SLC4A10: variants seen among roughly 807,000 people sequenced by gnomAD.
SLC4A10 encodes solute carrier family 4 member 10, also known as sodium-driven chloride bicarbonate exchanger.
Under a neutral mutation model 137.7 loss-of-function variants are expected in SLC4A10, and 42 were observed. That is an observed-to-expected ratio of 0.30 (90% CI 0.24 to 0.39). SLC4A10 has a LOEUF of 0.39. Among genes scored for constraint, SLC4A10 ranks in the 10% least tolerant of loss-of-function variants. The pLI is 1.00. For synonymous variants in SLC4A10, 474 were observed against 464.1 expected (o/e 1.02, Z -0.27); for missense variants, 925 against 1,355.0 (o/e 0.68, Z 4.98).
intron 1 of SLC4A10, among the ~76,000 whole-genome samples, chr2:161,672,452 T>C (rs1431834608): frequency 6.6e-6 from 1 of 152,052 alleles, no homozygotes; most frequent in Non-Finnish European, 1.5e-5. Context: ...GGAGAATCAC[T>C]TGAGGCCAGG....
chr2:161,674,931 C>T (rs561442731), intron 1 of SLC4A10, among the ~76,000 whole-genome samples: 2 of 152,184 alleles, frequency 1.3e-5, no homozygotes, highest in Admixed American at 6.5e-5. Flanking sequence ...AAACCAAACA[C>T]CTTTAAGCAT....
intron 1 of SLC4A10, among the ~76,000 whole-genome samples, chr2:161,683,893 A>T (rs1387153311): frequency 6.6e-6 from 1 of 152,174 alleles, no homozygotes; most frequent in Non-Finnish European, 1.5e-5. Context: ...ACATTTGCTA[A>T]GATTTACCAT....
chr2:161,688,080 T>C (rs2041624802), intron 1 of SLC4A10, among the ~76,000 whole-genome samples: 1 of 152,188 alleles, frequency 6.6e-6, no homozygotes, highest in Non-Finnish European at 1.5e-5. Context: ...TAGAAATATG[T>C]TTTATTCAGT....
intron 2 of SLC4A10, among the ~76,000 whole-genome samples, chr2:161,782,604 C>T (rs193279719): frequency 1.3e-5 from 2 of 150,994 alleles, no homozygotes; most frequent in Admixed American, 6.6e-5. Context: ...GATAAGAGAA[C>T]GTTGCATGAA....
At chr2:161,892,589 T>C (rs1020596339) in intron 10 of SLC4A10, among the ~76,000 whole-genome samples, 2 of 152,094 alleles carry the variant, frequency 1.3e-5, no homozygotes, top group Non-Finnish European at 2.9e-5. Context: ...GCAGTTTGTA[T>C]TGAGTATCAA....
rs141777438 is a variant in SLC4A10 at position 161,798,827 on chromosome 2, C to A, written c.131-5622C>A. Among the ~76,000 whole-genome samples, 212 of 149,568 alleles carry A rather than the reference C, an allele frequency of 1.4e-3. 1 individual carries two copies. The highest frequency in any genetic ancestry group is 3.2e-3 in the Admixed American group (48 of 14,896). ...AATTCTGTATAGGCCTTCAGAAGGC[C>A]TATACAGGCTTTCTAACAGAGATTC... On this transcript the variant is annotated intron_variant, in intron 2 of 26. Coordinates refer to ENST00000446997, the MANE Select transcript of SLC4A10 (RefSeq NM_001178015.2).
intron 26 of SLC4A10, among the ~76,000 whole-genome samples, chr2:161,981,905 C>T (rs1184242334): frequency 2.0e-5 from 3 of 152,158 alleles, no homozygotes; most frequent in Non-Finnish European, 4.4e-5. Context: ...GCAGAAGCTC[C>T]GGCACTTCTT....
At chr2:161,853,070 T>A (rs988052919) in intron 4 of SLC4A10, among the ~76,000 whole-genome samples, 7 of 152,190 alleles carry the variant, frequency 4.6e-5, no homozygotes, top group Non-Finnish European at 1.0e-4. Flanking sequence ...TTCTCATATC[T>A]GACAAGAAAT....
chr2:161,844,608 G>A (rs1276863381), intron 4 of SLC4A10, among the ~76,000 whole-genome samples: 1 of 151,858 alleles, frequency 6.6e-6, no homozygotes, highest in Non-Finnish European at 1.5e-5. Context: ...TAGAATGAGA[G>A]GATTAAAAAT....
intron 10 of SLC4A10, among the ~76,000 whole-genome samples, chr2:161,891,728 A>G (rs886972586): frequency 6.6e-6 from 1 of 152,034 alleles, no homozygotes; most frequent in African/African-American, 2.4e-5. Context: ...GCTTCCTTGC[A>G]TTGGGTTAGA....
At chr2:161,754,519 G>A (rs1378286480) in intron 1 of SLC4A10, among the ~76,000 whole-genome samples, 1 of 152,148 alleles carries the variant, frequency 6.6e-6, no homozygotes, top group African/African-American at 2.4e-5. Flanking sequence ...CTTCAAGGCA[G>A]AAAAGGAATC....
At chr2:161,862,844 G>C (rs766116406) in intron 5 of SLC4A10, 30 bp from the exon 6 acceptor site, 1 of 1,520,732 alleles carries the variant, frequency 6.6e-7, no homozygotes, top group East Asian at 2.3e-5. Context: ...GGAAAGCTGT[G>C]CTTATCTTCT....
intron 2 of SLC4A10, among the ~76,000 whole-genome samples, chr2:161,801,513 G>A (rs939898301): frequency 3.3e-5 from 5 of 152,064 alleles, no homozygotes; most frequent in African/African-American, 9.7e-5. Context: ...TTGACAGGTA[G>A]CATCTCTACT....
At chr2:161,966,533 C>T (rs981941421) in intron 23 of SLC4A10, among the ~76,000 whole-genome samples, 3 of 152,014 alleles carry the variant, frequency 2.0e-5, no homozygotes, top group Non-Finnish European at 2.9e-5. Context: ...GGGCAGATCA[C>T]GAGATCAGGA....
At chr2:161,899,273 T>C (rs2063849286) in intron 11 of SLC4A10, among the ~76,000 whole-genome samples, 1 of 152,066 alleles carries the variant, frequency 6.6e-6, no homozygotes, top group South Asian at 2.1e-4. Context: ...AATTTACCAA[T>C]CTTAAATAAA....
intron 2 of SLC4A10, among the ~76,000 whole-genome samples, chr2:161,782,120 G>A (rs1340837178): frequency 1.3e-5 from 2 of 152,052 alleles, no homozygotes; most frequent in East Asian, 3.9e-4. Context: ...AGAGCATAGA[G>A]CAAGCAAACA....
chr2:161,870,739 A>G (rs1221370096), intron 6 of SLC4A10, among the ~76,000 whole-genome samples: 1 of 151,886 alleles, frequency 6.6e-6, no homozygotes, highest in Non-Finnish European at 1.5e-5. Context: ...TAGAAATGGG[A>G]GAATGAGAAT....
chr2:161,683,570 G>T (rs1343336153), intron 1 of SLC4A10, among the ~76,000 whole-genome samples: 1 of 152,204 alleles, frequency 6.6e-6, no homozygotes, highest in African/African-American at 2.4e-5. Flanking sequence ...TGCTTATTCT[G>T]TTCTTTTGTT....
At chr2:161,794,233 T>C (rs1027665467) in intron 2 of SLC4A10, among the ~76,000 whole-genome samples, 7 of 152,130 alleles carry the variant, frequency 4.6e-5, no homozygotes, top group Non-Finnish European at 8.8e-5. Flanking sequence ...TGGACTATTT[T>C]CCCCAACTTA....
Sources: gnomAD v4.1 joint callset for allele counts (sites outside exome capture counted in the v4.1 genomes callset) on GRCh38, gnomAD v4.1.1 for gene constraint, MANE v1.5 for transcripts, NCBI Gene and HGNC (gene_info 2026-07-23, HGNC 2026-07-21) for gene names.